Variants in TMEM106B observed in about 807,000 individuals in gnomAD.
The protein encoded by TMEM106B is transmembrane protein 106B.
A neutral mutation model predicts 31.1 loss-of-function variants in TMEM106B; 15 were observed. That is an observed-to-expected ratio of 0.48 (90% CI 0.32 to 0.74). TMEM106B has a LOEUF of 0.74. Ranked by LOEUF, TMEM106B falls within the 30% of genes least tolerant of loss-of-function variation. The pLI, the probability that TMEM106B is intolerant of heterozygous loss-of-function variation, is 0.03. For missense variants in TMEM106B, 283 were observed against 327.3 expected (o/e 0.86, Z 1.04); for synonymous variants, 126 against 112.5 (o/e 1.12, Z -0.76).
At chr7:12,222,486 A>G (rs999524359) in intron 3 of TMEM106B, among the ~76,000 whole-genome samples, 1 of 152,230 alleles carries the variant, frequency 6.6e-6, no homozygotes, top group Non-Finnish European at 1.5e-5. Flanking sequence ...CCTAAGGACT[A>G]GATTATGATG....
rs1782153023 is a variant in TMEM106B, at chr7:12,237,120, G to T, written c.*5145G>T. ...TATTGCTGTTCATGTAACAAAACATGCTTATAATAGCAAACAAATAGAAAT... is the reference window on the plus strand; with the variant it reads ...TATTGCTGTTCATGTAACAAAACATTCTTATAATAGCAAACAAATAGAAAT... On this transcript the variant is annotated 3_prime_UTR_variant, in exon 8 of 8. Transcript: ENST00000396668. 3.3e-4 allele frequency: 1 copy of T among 2,994 alleles called. No homozygotes were observed. The highest frequency in any genetic ancestry group is 6.3e-4 in the Non-Finnish European group (1 of 1,592). 0.2% of individuals were successfully genotyped at this position (2,994 alleles called of 1,614,324 possible). A position where few individuals can be genotyped will look rare whatever the true frequency, so the allele number is the denominator to read the frequency against.
chr7:12,240,517 A>G lies in TMEM106B; in HGVS notation c.*8542A>G, dbSNP rs754930545. 6.6e-6 allele frequency: 1 copy of G among 152,122 alleles called. No homozygotes were observed. The highest frequency in any genetic ancestry group is 2.4e-5 in the African/African-American group (1 of 41,432). The allele number at this position is 152,122 out of a possible 1,614,324, so 9.4% of individuals were successfully genotyped here. A position where few individuals can be genotyped will look rare whatever the true frequency, so the allele number is the denominator to read the frequency against. On this transcript the variant is annotated 3_prime_UTR_variant, in exon 8 of 8. Transcript: ENST00000396668. ...TTAATTACTATTTTTAAAATCTTGT[A>G]TGAGGTAGTATGATTTGAAATTAGA... is the stretch of plus-strand genomic sequence containing the variant.
At chr7:12,220,463 A>AT (rs1781766212) in intron 3 of TMEM106B, among the ~76,000 whole-genome samples, 1 of 152,188 alleles carries the variant, frequency 6.6e-6, no homozygotes, top group Non-Finnish European at 1.5e-5. Flanking sequence ...CCAAAGCAAA[A>AT]TAGAAGCTAT....
In TMEM106B at chr7:12,241,372, G is replaced by A. The variant is rs1199317576; in HGVS notation, c.*9397G>A. 1 of 152,010 alleles carries A rather than the reference G, an allele frequency of 6.6e-6. No homozygotes were observed. Among genetic ancestry groups the A allele is most frequent in the East Asian group, 1.9e-4 (1 of 5,182 alleles). The allele number at this position is 152,010 out of a possible 1,614,324, so 9.4% of individuals were successfully genotyped here. A position where few individuals can be genotyped will look rare whatever the true frequency, so the allele number is the denominator to read the frequency against. On this transcript the variant is annotated 3_prime_UTR_variant, in exon 8 of 8. Transcript: ENST00000396668. Reference sequence around the variant, plus strand: ...ACCCATCAACCCGTCATCTACATTAGATATTTCTACTAATGCTATCCCTCC... The same window carrying A: ...ACCCATCAACCCGTCATCTACATTAAATATTTCTACTAATGCTATCCCTCC...
At chr7:12,213,828 GCCC>G (rs1210068034) in intron 1 of TMEM106B, among the ~76,000 whole-genome samples, 1 of 152,058 alleles carries the variant, frequency 6.6e-6, no homozygotes, top group East Asian at 1.9e-4. Flanking sequence ...AAAATTCTGA[GCCC>G]CCCAACTAAG....
intron 5 of TMEM106B, 26 bp from the exon 6 acceptor site, chr7:12,230,361 CTA>C (rs753167226): frequency 5.2e-6 from 8 of 1,536,400 alleles, no homozygotes; most frequent in Non-Finnish European, 6.3e-6. Context: ...ATCTTGTTCT[CTA>C]TCGAATTTCT....
chr7:12,216,341 T>G (rs1265347862), intron 2 of TMEM106B, among the ~76,000 whole-genome samples: 1 of 150,922 alleles, frequency 6.6e-6, no homozygotes, highest in African/African-American at 2.5e-5. Context: ...GGGGTTTGTT[T>G]GAGCAACTGA....
At chr7:12,215,424 T>G (rs967473163) in intron 2 of TMEM106B, among the ~76,000 whole-genome samples, 1 of 150,992 alleles carries the variant, frequency 6.6e-6, no homozygotes, top group African/African-American at 2.4e-5. Flanking sequence ...TTTTAAGAGA[T>G]GAGATCTCGC....
chr7:12,229,708 T>C lies in TMEM106B; in HGVS notation c.471T>C (p.Tyr157=). ...TNTLNITNNN[Y]YSVEVENITA... ...CACTAAATATAACAAACAATAACTA[T>C]TACTCTGTCGAAGTTGAAAACATCA... The change falls in exon 5 of 8, where the codon TAT becomes TAC. Residue 157 remains tyrosine, a synonymous_variant. Transcript: ENST00000396668. The C allele has an allele frequency of 1.2e-6, 2 of 1,611,580 alleles. No homozygotes were observed. The highest frequency in any genetic ancestry group is 8.5e-7 in the Non-Finnish European group (1 of 1,179,246).
rs534446947 is a variant in TMEM106B, at chr7:12,234,126, A to G, written c.*2151A>G. 4.0e-5 allele frequency: 6 copies of G among 151,892 alleles called. No individual in the cohort carries two copies. The highest frequency in any genetic ancestry group is 2.1e-4 in the South Asian group (1 of 4,830). The allele number at this position is 151,892 out of a possible 1,614,324, so 9.4% of individuals were successfully genotyped here. A position where few individuals can be genotyped will look rare whatever the true frequency, so the allele number is the denominator to read the frequency against. ...TTTAGATACGCTCATACAAAAATCA[A>G]TCCTTGTTTTCTTGCTTGTGTCTTT... is the stretch of plus-strand genomic sequence containing the variant. On this transcript the variant is annotated 3_prime_UTR_variant, in exon 8 of 8. Coordinates refer to ENST00000396668, the MANE Select transcript of TMEM106B (RefSeq NM_001134232.2).
chr7:12,218,609 C>G, intron 3 of TMEM106B, 88 bp downstream of exon 3: 1 of 1,065,344 alleles, frequency 9.4e-7, no homozygotes, highest in Non-Finnish European at 1.4e-6. Flanking sequence ...CTAGTTAAAA[C>G]TATTAAAAGA....
intron 4 of TMEM106B, among the ~76,000 whole-genome samples, chr7:12,227,086 A>T (rs1781916065): frequency 6.6e-6 from 1 of 152,266 alleles, no homozygotes; most frequent in East Asian, 1.9e-4. Flanking sequence ...TTAAGTAATT[A>T]TGCAGAAATT....
At chr7:12,213,700 T>C (rs541850684) in intron 1 of TMEM106B, among the ~76,000 whole-genome samples, 1 of 152,334 alleles carries the variant, frequency 6.6e-6, no homozygotes, top group South Asian at 2.1e-4. Context: ...TTCTGGACTC[T>C]AGTAAATGGC....
intron 4 of TMEM106B, among the ~76,000 whole-genome samples, chr7:12,229,300 C>G (rs760529773): frequency 6.6e-6 from 1 of 152,006 alleles, no homozygotes; most frequent in Non-Finnish European, 1.5e-5. Context: ...TCATAGTGAG[C>G]TGTTGTAAAT....
rs990083390 is a variant in TMEM106B, at chr7:12,240,336, G to T, written c.*8361G>T. 1 of 151,980 alleles carries T rather than the reference G, an allele frequency of 6.6e-6. No homozygotes were observed. The highest frequency in any genetic ancestry group is 2.4e-5 in the African/African-American group (1 of 41,370). The allele number at this position is 151,980 out of a possible 1,614,324, so 9.4% of individuals were successfully genotyped here. A position where few individuals can be genotyped will look rare whatever the true frequency, so the allele number is the denominator to read the frequency against. ...TCCCTCTAAACTTACTCAAACACTT[G>T]GTGAACTTTTTCTGAATGTTTTTTC... is the stretch of plus-strand genomic sequence containing the variant. On this transcript the variant is annotated 3_prime_UTR_variant, in exon 8 of 8. Transcript: ENST00000396668.
intron 4 of TMEM106B, among the ~76,000 whole-genome samples, chr7:12,225,730 A>G (rs1333249960): frequency 1.3e-5 from 2 of 150,558 alleles, no homozygotes; most frequent in Non-Finnish European, 3.0e-5. Context: ...TGATTTTTTT[A>G]AGTTCTTTGT....
chr7:12,231,031 G>A, intron 6 of TMEM106B, 31 bp from the exon 7 acceptor site: 1 of 1,479,564 alleles, frequency 6.8e-7, no homozygotes, highest in Non-Finnish European at 9.3e-7. Context: ...GTAGTAACTT[G>A]CATTTGTTCA....
In TMEM106B at chr7:12,234,953, C is replaced by T. The variant is rs1782100320; in HGVS notation, c.*2978C>T. 1 of 151,770 alleles carries T rather than the reference C, an allele frequency of 6.6e-6. No homozygotes were observed. The highest frequency in any genetic ancestry group is 1.5e-5 in the Non-Finnish European group (1 of 67,772). The allele number at this position is 151,770 out of a possible 1,614,324, so 9.4% of individuals were successfully genotyped here. On this transcript the variant is annotated 3_prime_UTR_variant, in exon 8 of 8. Transcript: ENST00000396668. ...TACTTACTAAGTAGTACAACTGGAG[C>T]AAGATCAAGTATCTCTGTCTCCCAT...
chr7:12,217,645 G>C (rs1033005507), intron 2 of TMEM106B, among the ~76,000 whole-genome samples: 7 of 152,158 alleles, frequency 4.6e-5, no homozygotes, highest in East Asian at 3.9e-4. Flanking sequence ...AACACACAAA[G>C]ATACAGATAT....
Sources: allele counts gnomAD v4.1 joint callset (sites outside exome capture counted in the v4.1 genomes callset), GRCh38; gene constraint gnomAD v4.1.1; transcripts MANE v1.5; gene names NCBI Gene and HGNC (gene_info 2026-07-23, HGNC 2026-07-21).